The following PHLDB3 variants were observed in gnomAD, a reference collection of about 807,000 sequenced individuals.
PHLDB3 encodes the protein pleckstrin homology like domain family B member 3.
A neutral mutation model predicts 85.7 loss-of-function variants in PHLDB3; 86 were observed. The ratio of observed to expected loss-of-function variants is 1.00; its 90% CI spans 0.84 to 1.20. The LOEUF is 1.20. Among genes scored for constraint, PHLDB3 ranks in the 50% most tolerant of loss-of-function variants. PHLDB3 has a pLI of 0.00. For missense variants in PHLDB3, 995 were observed against 873.0 expected (o/e 1.14, Z -1.76); for synonymous variants, 376 against 349.8 (o/e 1.07, Z -0.83).
At chr19:43,487,849 C>T (rs1008545797) in intron 9 of PHLDB3, among the ~76,000 whole-genome samples, 3 of 151,926 alleles carry the variant, frequency 2.0e-5, no homozygotes, top group African/African-American at 7.2e-5. Flanking sequence ...CTCAATAAAA[C>T]TCTTTCTAAA....
At chr19:43,504,180 G>C (rs1000762629) in intron 1 of PHLDB3, 48 bp from the exon 2 acceptor site, 2 of 1,475,730 alleles carry the variant, frequency 1.4e-6, no homozygotes, top group African/African-American at 1.4e-5. Context: ...GCCTAGGACG[G>C]CTGAGCGCCG....
At chr19:43,476,929 G>A (rs1407514797) in intron 15 of PHLDB3, among the ~76,000 whole-genome samples, 1 of 151,556 alleles carries the variant, frequency 6.6e-6, no homozygotes, top group Non-Finnish European at 1.5e-5. Context: ...GTTGGCAGGA[G>A]CCAACTAACA....
chr19:43,495,671 C>G (rs551221334), intron 6 of PHLDB3, 51 bp from the exon 7 acceptor site: 7 of 1,565,854 alleles, frequency 4.5e-6, no homozygotes, highest in Non-Finnish European at 6.1e-6. Flanking sequence ...CCAGGCCACC[C>G]TCCCACAGAA....
intron 10 of PHLDB3, 26 bp downstream of exon 10, chr19:43,486,998 G>A: frequency 6.6e-7 from 1 of 1,515,248 alleles, no homozygotes; most frequent in East Asian, 2.3e-5. Flanking sequence ...ATGTGGGAAG[G>A]AAGTGGGGAA....
At chr19:43,486,225 G>T in intron 13 of PHLDB3, 41 bp downstream of exon 13, 1 of 1,581,668 alleles carries the variant, frequency 6.3e-7, no homozygotes. Flanking sequence ...GGGAGAAACA[G>T]AGCAGGGAGA....
In PHLDB3 at chr19:43,503,973, C is replaced by G. The variant is rs760595448; in HGVS notation, c.146G>C (p.Gly49Ala). 4.3e-6 allele frequency: 7 copies of G among 1,613,824 alleles called. No homozygotes were observed. The highest frequency in any genetic ancestry group is 1.6e-4 in the Middle Eastern group (1 of 6,084). The change falls in exon 2 of 16, where the codon GGA becomes GCA. Residue 49 changes from glycine to alanine, a missense_variant. Physicochemically the swap from Gly to Ala is moderately conservative, Grantham distance 60 (BLOSUM62 0). Coordinates refer to ENST00000292140, the MANE Select transcript of PHLDB3 (RefSeq NM_198850.4). The part of the protein sequence containing the change: ...EVLAEPSSRG[G>A]AEQQAEEEEV... ...TTCTTCCTCTGCCTGCTGCTCAGCT[C>G]CCCCGCGGCTCGAAGGTTCCGCCAG...
At chr19:43,484,946 C>T (rs1971121366) in intron 13 of PHLDB3, among the ~76,000 whole-genome samples, 1 of 151,280 alleles carries the variant, frequency 6.6e-6, no homozygotes. Context: ...GACAACATAG[C>T]AAGACTCTAT....
At chr19:43,504,323 A>T (rs1971701809) in intron 1 of PHLDB3, 191 bp from the exon 2 acceptor site, 2 of 608,716 alleles carry the variant, frequency 3.3e-6, no homozygotes, top group Non-Finnish European at 5.7e-6. Flanking sequence ...CCAAGGCGAC[A>T]CGCCACCGGA....
In PHLDB3 at chr19:43,475,196, G is replaced by A. The variant is rs11672119; in HGVS notation, c.*214C>T. On this transcript the variant is annotated 3_prime_UTR_variant, in exon 16 of 16. Transcript: ENST00000292140. Reference sequence around the variant, plus strand: ...GCAATCTTCCTCCTGCCCCGGGCAGGGCCTTAGGGGCCGGCGATCCCGTCG... The same window carrying A: ...GCAATCTTCCTCCTGCCCCGGGCAGAGCCTTAGGGGCCGGCGATCCCGTCG... 36,330 of 577,310 alleles carry A rather than the reference G, an allele frequency of 0.063. 1,557 individuals carry two copies. The highest frequency in any genetic ancestry group is 0.16 in the Admixed American group (4,717 of 30,370). The allele number at this position is 577,310 out of a possible 1,614,324, so 35.8% of individuals were successfully genotyped here.
intron 13 of PHLDB3, among the ~76,000 whole-genome samples, chr19:43,481,269 C>A (rs1244798553): frequency 1.3e-5 from 2 of 152,022 alleles, no homozygotes; most frequent in African/African-American, 4.8e-5. Context: ...ATCACTTAAA[C>A]CCAGGAGTTT....
intron 9 of PHLDB3, among the ~76,000 whole-genome samples, chr19:43,493,304 A>AAATAAATG (rs1468067114): frequency 1.3e-5 from 2 of 150,402 alleles, no homozygotes; most frequent in Non-Finnish European, 3.0e-5. Flanking sequence ...ATAAATAAAT[A>AAATAAATG]AATAAATAAA....
At chr19:43,489,995 A>G (rs1057495020) in intron 9 of PHLDB3, among the ~76,000 whole-genome samples, 29 of 149,346 alleles carry the variant, frequency 1.9e-4, no homozygotes, top group African/African-American at 6.9e-4. Context: ...CGGCAGAGCA[A>G]GACTCTGCCA....
At chr19:43,489,007 C>A (rs1971249629) in intron 9 of PHLDB3, among the ~76,000 whole-genome samples, 1 of 152,050 alleles carries the variant, frequency 6.6e-6, no homozygotes, top group Admixed American at 6.6e-5. Context: ...ACCATATTGG[C>A]CAGGCTGGTC....
At chr19:43,486,535 G>T in intron 12 of PHLDB3, 74 bp downstream of exon 12, 1 of 1,508,670 alleles carries the variant, frequency 6.6e-7, no homozygotes, top group Non-Finnish European at 9.0e-7. Context: ...AGGTGGAGTT[G>T]GGGGTCTCCC....
Position 43,475,311 on chromosome 19 carries a change from G to A in PHLDB3, c.*99C>T, listed in dbSNP as rs1970899445. The A allele has an allele frequency of 2.7e-6, 4 of 1,468,136 alleles. No individual in the cohort carries two copies. Among genetic ancestry groups the A allele is most frequent in the African/African-American group, 2.8e-5 (2 of 70,880 alleles). 90.9% of individuals were successfully genotyped at this position (1,468,136 alleles called of 1,614,324 possible). A position where few individuals can be genotyped will look rare whatever the true frequency, so the allele number is the denominator to read the frequency against. ...ATTCCCGGGAGAGTTCCAAAGCGGT[G>A]CGTCCAAGTTTTCCGGCAGTGGGCG... On this transcript the variant is annotated 3_prime_UTR_variant, in exon 16 of 16. Transcript: ENST00000292140.
At position 43,504,006 on chromosome 19, in the gene PHLDB3, G is replaced by A. The variant is rs1214339235; in HGVS notation, c.113C>T (p.Ser38Phe). 1.2e-6 allele frequency: 2 copies of A among 1,613,802 alleles called. No homozygotes were observed. The highest frequency in any genetic ancestry group is 1.7e-6 in the Non-Finnish European group (2 of 1,179,822). The change falls in exon 2 of 16, where the codon TCC (serine) becomes TTC (phenylalanine). Residue 38 changes from serine (S) to phenylalanine (F), a missense_variant. Physicochemically the swap from Ser to Phe is radical, Grantham distance 155 (BLOSUM62 -2). Transcript: ENST00000292140. ...GCTCGAAGGTTCCGCCAGGACTTCGGATGCCTCCTGTTCCCGGGACTCCTC... is the reference window on the plus strand; with the variant it reads ...GCTCGAAGGTTCCGCCAGGACTTCGAATGCCTCCTGTTCCCGGGACTCCTC... ...HPEESREQEA[S>F]EVLAEPSSRG...
intron 9 of PHLDB3, 112 bp downstream of exon 9, chr19:43,494,590 G>C: frequency 1.2e-6 from 1 of 851,968 alleles, no homozygotes; most frequent in South Asian, 1.8e-5. Context: ...GCCCCATACA[G>C]AAAATCAGAG....
At chr19:43,504,369 C>T in intron 1 of PHLDB3, 1 of 577,620 alleles carries the variant, frequency 1.7e-6, no homozygotes, top group Non-Finnish European at 3.1e-6. Context: ...TCGTAGCACG[C>T]CCCCTACTGA....
Position 43,495,265 on chromosome 19 carries a change from G to A in PHLDB3, c.1026C>T (p.Ala342=). ...PGGDFSEPNP[A]LTKLLFTQKT... Reference sequence around the variant, plus strand: ...TACAAAATCCCCATACCTTAGTGAGGGCCGGGTTGGGCTCAGAGAAGTCCC... The same window carrying A: ...TACAAAATCCCCATACCTTAGTGAGAGCCGGGTTGGGCTCAGAGAAGTCCC... Residue 342 remains alanine, a synonymous_variant, in exon 8 of 16, where the codon GCC becomes GCT. Coordinates refer to ENST00000292140, the MANE Select transcript of PHLDB3 (RefSeq NM_198850.4). 1 of 1,613,708 alleles carries A rather than the reference G, an allele frequency of 6.2e-7. No homozygotes were observed. The highest frequency in any genetic ancestry group is 1.1e-5 in the South Asian group (1 of 91,016).
Sources: allele counts gnomAD v4.1 joint callset (sites outside exome capture counted in the v4.1 genomes callset), GRCh38; gene constraint gnomAD v4.1.1; transcripts MANE v1.5; gene names NCBI Gene and HGNC (gene_info 2026-07-23, HGNC 2026-07-21).